Variants in IL17RB observed in about 807,000 individuals in gnomAD.
IL17RB encodes interleukin-17 receptor B.
A neutral mutation model predicts 43.9 loss-of-function variants in IL17RB; 36 were observed. That is an observed-to-expected ratio of 0.82 (90% CI 0.63 to 1.08). The LOEUF (loss-of-function observed/expected upper bound fraction) is 1.08, where lower values mean the gene tolerates loss of function less well. IL17RB is among the 50% of genes least tolerant of loss of function. The pLI is 0.00. For synonymous variants in IL17RB, 225 were observed against 225.4 expected (o/e 1.00, Z 0.02); for missense variants, 613 against 613.6 (o/e 1.00, Z 0.01).
intron 1 of IL17RB, 48 bp from the exon 2 acceptor site, chr3:53,848,616 T>C: frequency 6.3e-7 from 1 of 1,593,432 alleles, no homozygotes; most frequent in Non-Finnish European, 8.6e-7. Flanking sequence ...AAGGAAAGCT[T>C]GTGGTTTGCC....
At chr3:53,856,780 G>T in intron 6 of IL17RB, 64 bp from the exon 7 acceptor site, 1 of 1,557,018 alleles carries the variant, frequency 6.4e-7, no homozygotes, top group African/African-American at 1.4e-5. Context: ...ATAAAGCCCT[G>T]TGGGGAACTT....
At chr3:53,850,799 T>C (rs1699112550) in intron 3 of IL17RB, among the ~76,000 whole-genome samples, 2 of 117,040 alleles carry the variant, frequency 1.7e-5, no homozygotes, top group Non-Finnish European at 3.2e-5. Flanking sequence ...AGAGACTGTC[T>C]CAAAATAAAA....
At chr3:53,854,744 A>C (rs1383948394) in intron 5 of IL17RB, among the ~76,000 whole-genome samples, 1 of 152,032 alleles carries the variant, frequency 6.6e-6, no homozygotes, top group Non-Finnish European at 1.5e-5. Flanking sequence ...ATTCTACCCC[A>C]CCCTGGGGTG....
intron 10 of IL17RB, 88 bp from the exon 11 acceptor site, chr3:53,864,658 G>C: frequency 1.0e-6 from 1 of 1,002,860 alleles, no homozygotes; most frequent in Non-Finnish European, 1.5e-6. Context: ...ACATTCTCTA[G>C]CAAGGGATCA....
chr3:53,854,913 C>T (rs1360694652), intron 5 of IL17RB, among the ~76,000 whole-genome samples: 2 of 152,096 alleles, frequency 1.3e-5, no homozygotes, highest in Non-Finnish European at 2.9e-5. Flanking sequence ...CTGGTTATCA[C>T]GTAATGGGCA....
At chr3:53,848,151 G>A (rs1698999739) in intron 1 of IL17RB, among the ~76,000 whole-genome samples, 1 of 152,238 alleles carries the variant, frequency 6.6e-6, no homozygotes, top group Admixed American at 6.5e-5. Flanking sequence ...TTCGTGAATT[G>A]CTCAGTGAGT....
At chr3:53,848,069 G>A (rs1698994283) in intron 1 of IL17RB, among the ~76,000 whole-genome samples, 1 of 152,118 alleles carries the variant, frequency 6.6e-6, no homozygotes, top group Non-Finnish European at 1.5e-5. Flanking sequence ...TTTTTCTTAT[G>A]AAAAAACACG....
chr3:53,853,353 G>A (rs1439150512), intron 5 of IL17RB, among the ~76,000 whole-genome samples: 1 of 152,260 alleles, frequency 6.6e-6, no homozygotes, highest in Non-Finnish European at 1.5e-5. Flanking sequence ...ACATAAAAGT[G>A]AAGCTGACAT....
chr3:53,864,535 CAA>C (rs1043498703), intron 10 of IL17RB, among the ~76,000 whole-genome samples: 1 of 139,726 alleles, frequency 7.2e-6, no homozygotes, highest in East Asian at 2.0e-4. Flanking sequence ...ACTATGTCTC[CAA>C]AAAAAAAAAA....
chr3:53,864,022 C>T (rs1308730594), intron 10 of IL17RB, among the ~76,000 whole-genome samples: 14 of 151,970 alleles, frequency 9.2e-5, no homozygotes, highest in Admixed American at 7.9e-4. Flanking sequence ...GGGGTTTCGC[C>T]ATGTTGCCCT....
chr3:53,853,101 G>C (rs1699215686), intron 5 of IL17RB, 104 bp downstream of exon 5: 1 of 1,337,746 alleles, frequency 7.5e-7, no homozygotes, highest in South Asian at 1.2e-5. Flanking sequence ...TTTTGGCCTT[G>C]CTAAATCTCA....
chr3:53,848,654 T>C lies in IL17RB; in HGVS notation c.61-10T>C. On this transcript the variant is annotated splice_polypyrimidine_tract_variant and intron_variant, in intron 1 of 10. Coordinates refer to ENST00000288167, the MANE Select transcript of IL17RB (RefSeq NM_018725.4). ...CTTCAACGTGACGCTTGGTTTTTTC[T>C]CTCCCACAGACCGTTCAATGTGGCT... The C allele has an allele frequency of 6.2e-7, 1 of 1,605,964 alleles. No individual in the cohort carries two copies. The highest frequency in any genetic ancestry group is 8.5e-7 in the Non-Finnish European group (1 of 1,175,244).
chr3:53,856,055 G>A (rs550062290), intron 6 of IL17RB, among the ~76,000 whole-genome samples: 4 of 152,288 alleles, frequency 2.6e-5, no homozygotes, highest in South Asian at 2.1e-4. Flanking sequence ...TCAGACAGCC[G>A]TCCATGCTGT....
At chr3:53,855,250 G>T (rs1179643699) in intron 5 of IL17RB, 44 bp from the exon 6 acceptor site, 4 of 1,387,658 alleles carry the variant, frequency 2.9e-6, no homozygotes, top group Non-Finnish European at 1.0e-6. Flanking sequence ...GTGGGGCAGA[G>T]ATACCTTTTT....
chr3:53,846,707 G>A (rs1698914244), intron 1 of IL17RB, 59 bp downstream of exon 1: 1 of 1,499,832 alleles, frequency 6.7e-7, no homozygotes, highest in African/African-American at 1.4e-5. Flanking sequence ...AGATCCTGAC[G>A]TCGTCTGATC....
At chr3:53,860,005 G>A (rs907043698) in intron 9 of IL17RB, 125 bp from the exon 10 acceptor site, 3 of 686,066 alleles carry the variant, frequency 4.4e-6, no homozygotes, top group Admixed American at 2.5e-5. Flanking sequence ...GCGAGACTCT[G>A]TCTCAAAACT....
chr3:53,847,803 G>A (rs79893426), intron 1 of IL17RB, among the ~76,000 whole-genome samples: 4 of 151,186 alleles, frequency 2.6e-5, no homozygotes, highest in Non-Finnish European at 4.4e-5. Context: ...TCAGAAAAAG[G>A]AAAAAAAAAT....
At chr3:53,860,403 A>C in intron 10 of IL17RB, 175 bp downstream of exon 10, 1 of 455,404 alleles carries the variant, frequency 2.2e-6, no homozygotes. Context: ...ACTGGATTAC[A>C]CATGCCAGGT....
chr3:53,863,850 TCTCA>T (rs1259068784), intron 10 of IL17RB, among the ~76,000 whole-genome samples: 1 of 143,432 alleles, frequency 7.0e-6, no homozygotes, highest in African/African-American at 2.6e-5. Context: ...TGAGACAGGG[TCTCA>T]CTCTGTTGCC....
Sources: allele counts gnomAD v4.1 joint callset (sites outside exome capture counted in the v4.1 genomes callset), GRCh38; gene constraint gnomAD v4.1.1; transcripts MANE v1.5; gene names NCBI Gene and HGNC (gene_info 2026-07-23, HGNC 2026-07-21).